Variants in TMEM183A observed in about 807,000 individuals in gnomAD.
The protein encoded by TMEM183A is transmembrane protein 183A.
In TMEM183A, 21 loss-of-function variants were observed where a neutral mutation model predicts 46.7. That is an observed-to-expected ratio of 0.45 (90% CI 0.32 to 0.65). The LOEUF (loss-of-function observed/expected upper bound fraction) is 0.65. TMEM183A is among the 30% of genes least tolerant of loss of function. The probability of loss-of-function intolerance (pLI) is 0.04; values close to 1 mark genes in which losing one functional copy is unlikely to be tolerated. For missense variants in TMEM183A, 331 were observed against 481.9 expected (o/e 0.69, Z 2.93); for synonymous variants, 165 against 180.2 (o/e 0.92, Z 0.68).
At position 203,020,901 on chromosome 1, in the gene TMEM183A, C is replaced by T. The variant is rs2102570741; in HGVS notation, c.898C>T (p.Leu300Phe). The T allele has an allele frequency of 6.2e-7, 1 of 1,613,420 alleles. No individual in the cohort carries two copies. Among genetic ancestry groups the T allele is most frequent in the Non-Finnish European group, 8.5e-7 (1 of 1,179,874 alleles). The change falls in exon 7 of 8, where the codon CTC becomes TTC. Residue 300 changes from leucine (L) to phenylalanine (F), a missense_variant. Physicochemically the swap from Leu to Phe is conservative, Grantham distance 22 (BLOSUM62 0). Transcript: ENST00000367242. ...CTGCTGCCTACTGCAGGTCACCACC[C>T]TCAATTTCATCTTTATTCCGATTGT... Reference protein sequence around the residue: ...QDCCLLQVTTLNFIFIPIVMG... With the variant: ...QDCCLLQVTTFNFIFIPIVMG...
intron 3 of TMEM183A, 144 bp from the exon 4 acceptor site, chr1:203,014,745 G>C: frequency 8.0e-7 from 1 of 1,253,432 alleles, no homozygotes; most frequent in South Asian, 1.6e-5. Flanking sequence ...AGGATGAGCA[G>C]GAAATGATAA....
intron 3 of TMEM183A, 116 bp from the exon 4 acceptor site, chr1:203,014,773 G>A: frequency 7.1e-7 from 1 of 1,417,450 alleles, no homozygotes; most frequent in Non-Finnish European, 9.4e-7. Context: ...GGGTTTCCTT[G>A]GACCTATTTA....
At chr1:203,012,217 C>CA (rs1656704477) in intron 3 of TMEM183A, among the ~76,000 whole-genome samples, 19 of 75,738 alleles carry the variant, frequency 2.5e-4, no homozygotes, top group South Asian at 5.5e-4. Flanking sequence ...TTTACTTCAA[C>CA]CATTACTCCC....
At chr1:203,008,119 A>G (rs1270356392) in intron 2 of TMEM183A, among the ~76,000 whole-genome samples, 1 of 152,062 alleles carries the variant, frequency 6.6e-6, no homozygotes, top group Non-Finnish European at 1.5e-5. Flanking sequence ...TTGGTTATTA[A>G]TCTCTTTGCT....
intron 3 of TMEM183A, among the ~76,000 whole-genome samples, chr1:203,009,358 T>C (rs1436549188): frequency 2.0e-5 from 3 of 152,192 alleles, no homozygotes; most frequent in Non-Finnish European, 1.5e-5. Flanking sequence ...GGCAATGAAA[T>C]GTACACAAAT....
chr1:203,009,231 C>T (rs1656309634), intron 3 of TMEM183A, among the ~76,000 whole-genome samples: 1 of 152,206 alleles, frequency 6.6e-6, no homozygotes, highest in Non-Finnish European at 1.5e-5. Flanking sequence ...AGTTTTGTTA[C>T]ACACAAACAT....
Position 203,010,455 on chromosome 1 carries a change from C to G in TMEM183A, c.367+1645C>G, listed in dbSNP as rs149666290. 3.0e-3 allele frequency among the ~76,000 whole-genome samples: 454 copies of G among 152,246 alleles called. 1 individual carries two copies. The highest frequency in any genetic ancestry group is 1.0e-2 in the African/African-American group (415 of 41,566). On this transcript the variant is annotated intron_variant, in intron 3 of 7. Coordinates refer to ENST00000367242, the MANE Select transcript of TMEM183A (RefSeq NM_138391.6). Reference sequence around the variant, plus strand: ...ATGCTTATTGGAGCACTTTGGATTTCTGATTTTCGATTAGGGCTGCTCGAC... The same window carrying G: ...ATGCTTATTGGAGCACTTTGGATTTGTGATTTTCGATTAGGGCTGCTCGAC...
At chr1:203,021,525 C>G (rs562993074) in intron 7 of TMEM183A, among the ~76,000 whole-genome samples, 1 of 152,080 alleles carries the variant, frequency 6.6e-6, no homozygotes, top group South Asian at 2.1e-4. Flanking sequence ...AATGTTTTTG[C>G]ATTTTCATGT....
chr1:203,017,622 C>A, intron 5 of TMEM183A: 1 of 480,054 alleles, frequency 2.1e-6, no homozygotes. Flanking sequence ...GGCAGATATC[C>A]CGTGCATGGC....
intron 2 of TMEM183A, 119 bp from the exon 3 acceptor site, chr1:203,008,522 TTC>T (rs1265538687): frequency 2.0e-5 from 16 of 786,482 alleles, no homozygotes; most frequent in Admixed American, 4.5e-5. Context: ...ATTCTCACCT[TTC>T]TCTCTCAACG....
rs73091383 is a variant in TMEM183A at position 203,015,149 on chromosome 1, C to G, written c.527+101C>G. The G allele has an allele frequency of 3.6e-5, 55 of 1,517,232 alleles. No individual in the cohort carries two copies. In the African/African-American group the frequency reaches 7.1e-4, roughly 20 times the overall value. The allele number at this position is 1,517,232 out of a possible 1,614,324, so 94.0% of individuals were successfully genotyped here. On this transcript the variant is annotated intron_variant, in intron 4 of 7. Coordinates refer to ENST00000367242, the MANE Select transcript of TMEM183A (RefSeq NM_138391.6). Reference sequence around the variant, plus strand: ...GGATGGTGACCTCTTTTCACTTTCTCTACTCCATGTCTGGGCATGACCCAG... The same window carrying G: ...GGATGGTGACCTCTTTTCACTTTCTGTACTCCATGTCTGGGCATGACCCAG...
Position 203,007,494 on chromosome 1 carries a change from G to T in TMEM183A, c.29G>T (p.Arg10Met), listed in dbSNP as rs11558253. 21,048 of 1,513,416 alleles carry T rather than the reference G, an allele frequency of 0.014. 188 individuals are homozygous for T. The highest frequency in any genetic ancestry group is 0.016 in the Non-Finnish European group (18,186 of 1,132,244). The allele number at this position is 1,513,416 out of a possible 1,614,324, so 93.7% of individuals were successfully genotyped here. Residue 10 changes from arginine to methionine, a missense_variant, in exon 1 of 8, where the codon AGG (arginine) becomes ATG (methionine). Physicochemically the swap from Arg to Met is moderately conservative, Grantham distance 91. Transcript: ENST00000367242. ...GCCCGGGGGCCCGGCCCGCTAGGCA[G>T]GCCTCGCCCCGATACGGTCGCCATG... MARGPGPLG[R>M]PRPDTVAMPK...
chr1:203,023,915 A>G lies in TMEM183A; in HGVS notation c.*875A>G, dbSNP rs1326932218. 1 of 152,224 alleles carries G rather than the reference A, an allele frequency of 6.6e-6. No homozygotes were observed. Among genetic ancestry groups the G allele is most frequent in the African/African-American group, 2.4e-5 (1 of 41,456 alleles). 9.4% of individuals were successfully genotyped at this position (152,224 alleles called of 1,614,324 possible). ...GTAGGCAGAGTGTACATAGATAAAA[A>G]AAAGTAAAAGGGTAAGTAAAAAATT... On this transcript the variant is annotated 3_prime_UTR_variant, in exon 8 of 8. Coordinates refer to ENST00000367242, the MANE Select transcript of TMEM183A (RefSeq NM_138391.6).
intron 7 of TMEM183A, 35 bp from the exon 8 acceptor site, chr1:203,022,820 G>T (rs762752039): frequency 6.2e-7 from 1 of 1,613,376 alleles, no homozygotes; most frequent in Non-Finnish European, 8.5e-7. Flanking sequence ...CCAAGGTTGT[G>T]TAAGTTGGAT....
chr1:203,016,126 T>C lies in TMEM183A; in HGVS notation c.694T>C (p.Leu232=), dbSNP rs773123898. Residue 232 remains leucine, a synonymous_variant, in exon 5 of 8, where the codon TTA becomes CTA. Coordinates refer to ENST00000367242, the MANE Select transcript of TMEM183A (RefSeq NM_138391.6). ...CATTCCAGAAAGCACCCCCAGCACA[T>C]TAAAGAATTCCAAAGTAAGTGAGAA... ...PAIPESTPST[L]KNSKCLLFWC... 21 of 1,614,092 alleles carry C rather than the reference T, an allele frequency of 1.3e-5. No individual in the cohort carries two copies. The highest frequency in any genetic ancestry group is 1.7e-5 in the Admixed American group (1 of 60,014).
At chr1:203,016,707 C>T (rs1657200105) in intron 5 of TMEM183A, among the ~76,000 whole-genome samples, 1 of 152,194 alleles carries the variant, frequency 6.6e-6, no homozygotes, top group African/African-American at 2.4e-5. Flanking sequence ...GATTCATAAA[C>T]CTTAGTTCTC....
At chr1:203,012,148 T>TCACACACA (rs767000280) in intron 3 of TMEM183A, among the ~76,000 whole-genome samples, 2,866 of 79,462 alleles carry the variant, frequency 0.036, 339 homozygotes, top group Middle Eastern at 0.071. Flanking sequence ...CCCCACTCCA[T>TCACACACA]CACACACACA....
rs779581280 is a variant in TMEM183A at position 203,015,953 on chromosome 1, G to A, written c.528-7G>A. On this transcript the variant is annotated splice_region_variant and splice_polypyrimidine_tract_variant and intron_variant, in intron 4 of 7. Transcript: ENST00000367242. The stretch of plus-strand genomic sequence containing the variant: ...CATATTGGTAGGAGTAATGTGTCAT[G>A]TTTCAGGCACTACACGCTGGATGCT... The A allele has an allele frequency of 1.2e-5, 19 of 1,613,106 alleles. No individual in the cohort carries two copies. Among genetic ancestry groups the A allele is most frequent in the Non-Finnish European group, 1.6e-5 (19 of 1,179,398 alleles).
In TMEM183A at chr1:203,010,679, C is replaced by T. The variant is rs1211378165; in HGVS notation, c.367+1869C>T. 3.3e-5 allele frequency among the ~76,000 whole-genome samples: 5 copies of T among 152,148 alleles called. No individual in the cohort carries two copies. In the East Asian group the frequency reaches 7.7e-4, roughly 23 times the overall value. On this transcript the variant is annotated intron_variant, in intron 3 of 7. Coordinates refer to ENST00000367242, the MANE Select transcript of TMEM183A (RefSeq NM_138391.6). ...TCTTCTTGTTGTTTTGGACTTGTTCCACAGAATGGCTTTGACTTAAAACAA... is the reference window on the plus strand; with the variant it reads ...TCTTCTTGTTGTTTTGGACTTGTTCTACAGAATGGCTTTGACTTAAAACAA...
Sources: allele counts gnomAD v4.1 joint callset (sites outside exome capture counted in the v4.1 genomes callset), GRCh38; gene constraint gnomAD v4.1.1; transcripts MANE v1.5; gene names NCBI Gene and HGNC (gene_info 2026-07-23, HGNC 2026-07-21).